The following NCOR2 variants were observed in gnomAD, a reference collection of about 807,000 sequenced individuals.
NCOR2 encodes CTG repeat protein 26.
Under a neutral mutation model 262.9 loss-of-function variants are expected in NCOR2, and 81 were observed. The observed-to-expected ratio is 0.31, with a 90% CI of 0.26 to 0.37. NCOR2 has a LOEUF of 0.37. Ranked by LOEUF, NCOR2 falls within the 10% of genes least tolerant of loss-of-function variation. NCOR2 has a pLI of 1.00. For missense variants in NCOR2, 3,385 were observed against 3,621.4 expected (o/e 0.93, Z 1.68); for synonymous variants, 1,659 against 1,559.3 (o/e 1.06, Z -1.51).
intron 41 of NCOR2, among the ~76,000 whole-genome samples, chr12:124,333,897 C>CGCGCATGCGTGTGT: frequency 8.1e-6 from 1 of 123,696 alleles, no homozygotes; most frequent in East Asian, 2.5e-4. Flanking sequence ...TGTGTGTGTG[C>CGCGCATGCGTGTGT]GCGCGCATGT....
intron 1 of NCOR2, among the ~76,000 whole-genome samples, chr12:124,551,884 G>C (rs1450488019): frequency 6.6e-6 from 1 of 152,206 alleles, no homozygotes; most frequent in Non-Finnish European, 1.5e-5. Flanking sequence ...GAAAGGCCGC[G>C]GCTCCAAGAG....
chr12:124,422,528 G>A lies in NCOR2; in HGVS notation c.1356C>T (p.Gly452=), dbSNP rs779710120. ...TCCTCTCCAGGAATGATGCGATCAGGCCAAAGTTCTTGGGATGCTGCATGA... is the reference window on the plus strand; with the variant it reads ...TCCTCTCCAGGAATGATGCGATCAGACCAAAGTTCTTGGGATGCTGCATGA... The change falls in exon 12 of 47, where the codon GGC becomes GGT. Residue 452 remains glycine (G), a synonymous_variant. Coordinates refer to ENST00000405201, the Ensembl canonical transcript of NCOR2. 8 of 1,613,972 alleles carry A rather than the reference G, an allele frequency of 5.0e-6. No homozygotes were observed. The African/African-American group carries it at 5.3e-5, about 11-fold the overall frequency.
chr12:124,366,092 A>G lies in NCOR2; in HGVS notation c.2808-2293T>C, dbSNP rs2039015132. ...ACCCAGCACTGCCACTCCTAGGCACACACCAGGCAAATGAGAGCAAATGTC... is the reference window on the plus strand; with the variant it reads ...ACCCAGCACTGCCACTCCTAGGCACGCACCAGGCAAATGAGAGCAAATGTC... On this transcript the variant is annotated intron_variant, in intron 20 of 46. Coordinates refer to ENST00000405201, the Ensembl canonical transcript of NCOR2. Among the ~76,000 whole-genome samples, 5 of 152,340 alleles carry G rather than the reference A, an allele frequency of 3.3e-5. No homozygotes were observed. In the South Asian group the frequency reaches 1.0e-3, roughly 32 times the overall value.
At chr12:124,521,850 T>G (rs1044908328) in intron 1 of NCOR2, among the ~76,000 whole-genome samples, 1 of 152,110 alleles carries the variant, frequency 6.6e-6, no homozygotes, top group Non-Finnish European at 1.5e-5. Context: ...AAACCCCATC[T>G]CTACTAAAAA....
chr12:124,427,767 G>A (rs961974729), intron 10 of NCOR2, among the ~76,000 whole-genome samples: 3 of 152,136 alleles, frequency 2.0e-5, no homozygotes, highest in Admixed American at 6.5e-5. Context: ...CAGGACCCCC[G>A]GCACGGCCAC....
intron 13 of NCOR2, among the ~76,000 whole-genome samples, chr12:124,414,822 G>A (rs1329108276): frequency 1.3e-5 from 2 of 152,200 alleles, no homozygotes; most frequent in African/African-American, 4.8e-5. Flanking sequence ...TAGGGGGAAG[G>A]GGCTGTGTCT....
At chr12:124,336,267 G>A in intron 38 of NCOR2, 1 of 166,532 alleles carries the variant, frequency 6.0e-6, no homozygotes, top group Non-Finnish European at 1.3e-5. Flanking sequence ...CAGCATCCAG[G>A]CAGCCGGCAG....
chr12:124,345,736 G>T (rs1447969835), intron 31 of NCOR2, among the ~76,000 whole-genome samples: 1 of 152,144 alleles, frequency 6.6e-6, no homozygotes, highest in Non-Finnish European at 1.5e-5. Flanking sequence ...CCTTCCCCTG[G>T]CAATCAGGGA....
chr12:124,459,262 C>T (rs772462437), intron 5 of NCOR2, among the ~76,000 whole-genome samples: 4 of 152,140 alleles, frequency 2.6e-5, no homozygotes, highest in Non-Finnish European at 2.9e-5. Context: ...AGAAACTACA[C>T]GGCCACACAG....
At chr12:124,368,545 C>G (rs1463667532) in intron 20 of NCOR2, among the ~76,000 whole-genome samples, 1 of 152,206 alleles carries the variant, frequency 6.6e-6, no homozygotes, top group African/African-American at 2.4e-5. Flanking sequence ...CCTCTCCGCC[C>G]TCTCTGCCCT....
At chr12:124,536,184 C>T (rs1053938650), upstream of NCOR2, among the ~76,000 whole-genome samples, 4 of 152,146 alleles carry the variant, frequency 2.6e-5, no homozygotes, top group Non-Finnish European at 5.9e-5. Flanking sequence ...TAAGGCGATC[C>T]TCCCACCTAA....
intron 4 of NCOR2, among the ~76,000 whole-genome samples, chr12:124,472,360 C>T (rs1312822547): frequency 8.5e-5 from 13 of 152,160 alleles, no homozygotes; most frequent in Admixed American, 7.9e-4. Context: ...GGATCTTGCT[C>T]CCTCCTCTAC....
At chr12:124,337,102 G>A (rs1566360137) in exon 38 of NCOR2, 15 of 1,506,848 alleles carry the variant, frequency 1.0e-5, no homozygotes, top group East Asian at 7.3e-5. Flanking sequence ...AGACCCCATC[G>A]AGGGTGCCGC....
At chr12:124,490,408 A>AGATG (rs750414709) in intron 1 of NCOR2, among the ~76,000 whole-genome samples, 39,682 of 125,690 alleles carry the variant, frequency 0.32, 5,589 homozygotes, top group Non-Finnish European at 0.36. Flanking sequence ...AGTATTTGCC[A>AGATG]GATGGATGGA....
Position 124,347,592 on chromosome 12 carries a change from A to T in NCOR2, c.4072+233T>A, listed in dbSNP as rs1486644423. The T allele has an allele frequency of 5.6e-6, 3 of 537,392 alleles. No homozygotes were observed. The East Asian group carries it at 8.9e-5, about 16-fold the overall frequency. 33.3% of individuals were successfully genotyped at this position (537,392 alleles called of 1,614,324 possible). ...AAGCACAGGACAGTTGCTATGTGAC[A>T]CCTAAAAGCACAGGGGTGATCGGTG... On this transcript the variant is annotated intron_variant, in intron 30 of 46. Coordinates refer to ENST00000405201, the Ensembl canonical transcript of NCOR2.
intron 4 of NCOR2, among the ~76,000 whole-genome samples, chr12:124,468,818 A>C (rs1593691666): frequency 3.6e-5 from 1 of 27,622 alleles, no homozygotes; most frequent in Non-Finnish European, 7.1e-5. Flanking sequence ...CATCACCCCC[A>C]TCATCCTCAT....
chr12:124,483,861 T>A lies in NCOR2; in HGVS notation c.234-88A>T. On this transcript the variant is annotated intron_variant, in intron 2 of 46. Coordinates refer to ENST00000405201, the Ensembl canonical transcript of NCOR2. This position sits in a 1 kb window ranked among gnomAD's most constrained non-coding sequence, Gnocchi z 6.3. ...CCGACCACCCTCTGCGCCGAGCATCTACTGCGCGCCGTGCTCTGTATGATC... is the reference window on the plus strand; with the variant it reads ...CCGACCACCCTCTGCGCCGAGCATCAACTGCGCGCCGTGCTCTGTATGATC... The A allele has an allele frequency of 7.2e-7, 1 of 1,380,132 alleles. No individual in the cohort carries two copies. Among genetic ancestry groups the A allele is most frequent in the Non-Finnish European group, 9.6e-7 (1 of 1,045,920 alleles). 85.5% of individuals were successfully genotyped at this position (1,380,132 alleles called of 1,614,324 possible).
intron 18 of NCOR2, among the ~76,000 whole-genome samples, chr12:124,375,513 G>A (rs1016388080): frequency 9.2e-5 from 14 of 152,266 alleles, no homozygotes; most frequent in Admixed American, 7.8e-4. Context: ...CTCTGCCACC[G>A]CTGCCCTAGA....
At chr12:124,340,851 T>G in intron 34 of NCOR2, 100 bp from the exon 37 acceptor site, 1 of 1,193,204 alleles carries the variant, frequency 8.4e-7, no homozygotes, top group Non-Finnish European at 1.1e-6. Flanking sequence ...CACACACTCC[T>G]GGAGCCAGCA....
Sources: gnomAD v4.1 joint callset for allele counts (sites outside exome capture counted in the v4.1 genomes callset) on GRCh38, gnomAD v4.1.1 for gene constraint, Gnocchi (gnomAD v3.1) non-coding constraint, MANE v1.5 for transcripts, NCBI Gene and HGNC (gene_info 2026-07-23, HGNC 2026-07-21) for gene names.